The following AGMO variants were observed in gnomAD, a reference collection of about 807,000 sequenced individuals.
The protein encoded by AGMO is glyceryl-ether monooxygenase.
Under a neutral mutation model 60.2 loss-of-function variants are expected in AGMO, and 75 were observed. The ratio of observed to expected loss-of-function variants is 1.25; its 90% CI spans 1.03 to 1.51. The LOEUF is 1.51. Ranked by LOEUF, AGMO falls within the 40% of genes most tolerant of loss-of-function variation. The probability of loss-of-function intolerance (pLI) is 0.00; values close to 1 mark genes in which losing one functional copy is unlikely to be tolerated. For missense variants in AGMO, 763 were observed against 525.5 expected (o/e 1.45, Z -4.42); for synonymous variants, 261 against 177.1 (o/e 1.47, Z -3.76).
chr7:15,169,070 G>C, the AGMO span, among the ~76,000 whole-genome samples: 5 of 152,180 alleles, frequency 3.3e-5, no homozygotes, highest in African/African-American at 1.2e-4. Flanking sequence ...ATGAGCATTG[G>C]TTGATGGGGT....
At chr7:15,536,427 G>A (rs1784485370) in intron 3 of AGMO, among the ~76,000 whole-genome samples, 1 of 151,852 alleles carries the variant, frequency 6.6e-6, no homozygotes, top group African/African-American at 2.4e-5. Context: ...AATTTTAACA[G>A]AATCCCATTT....
intron 12 of AGMO, among the ~76,000 whole-genome samples, chr7:15,362,449 A>G (rs192923856): frequency 9.8e-4 from 150 of 152,338 alleles, no homozygotes; most frequent in African/African-American, 3.5e-3. Context: ...TAATAATAGT[A>G]ACACTCTAAT....
chr7:15,495,578 A>G lies in AGMO; in HGVS notation c.409+49194T>C, dbSNP rs540448741. Among the ~76,000 whole-genome samples, 29 of 152,316 alleles carry G rather than the reference A, an allele frequency of 1.9e-4. No individual in the cohort carries two copies. The South Asian group carries it at 2.9e-3, about 15-fold the overall frequency. ...AAATTCCTGTAACTCATAGCTTCCC[A>G]TGTCTCAGTTTTTCAGCACATTTAC... is the stretch of plus-strand genomic sequence containing the variant. On this transcript the variant is annotated intron_variant, in intron 3 of 12. Coordinates refer to ENST00000342526, the MANE Select transcript of AGMO (RefSeq NM_001004320.2).
the AGMO span, among the ~76,000 whole-genome samples, chr7:15,179,536 G>A: frequency 6.6e-6 from 1 of 152,094 alleles, no homozygotes; most frequent in East Asian, 1.9e-4. Context: ...ACTAGGGCAG[G>A]GGTAGAACTC....
chr7:15,225,325 A>G (rs1465327393), intron 12 of AGMO, among the ~76,000 whole-genome samples: 1 of 152,024 alleles, frequency 6.6e-6, no homozygotes, highest in African/African-American at 2.4e-5. Context: ...TAATCTCTGT[A>G]AAAATATCCT....
chr7:15,154,967 CT>C, the AGMO span, among the ~76,000 whole-genome samples: 1 of 152,180 alleles, frequency 6.6e-6, no homozygotes, highest in Non-Finnish European at 1.5e-5. Flanking sequence ...CAAAACTCCA[CT>C]GTTACCCTGA....
chr7:15,451,060 T>C (rs1220269236), intron 3 of AGMO, among the ~76,000 whole-genome samples: 1 of 97,566 alleles, frequency 1.0e-5, no homozygotes, highest in Non-Finnish European at 2.5e-5. Context: ...CATTTTATTA[T>C]ATGAAAATTA....
At chr7:15,402,509 A>T (rs1018914865) in intron 5 of AGMO, among the ~76,000 whole-genome samples, 1 of 150,874 alleles carries the variant, frequency 6.6e-6, no homozygotes, top group Non-Finnish European at 1.5e-5. Context: ...CTTCAATAAG[A>T]TATTCCCATA....
At chr7:15,198,392 G>C (rs138602436), downstream of AGMO, among the ~76,000 whole-genome samples, 1,921 of 152,176 alleles carry the variant, frequency 0.013, 35 homozygotes, top group African/African-American at 0.04. Flanking sequence ...AAGAAAACTG[G>C]ACTGGAAAAT....
intron 3 of AGMO, among the ~76,000 whole-genome samples, chr7:15,445,474 T>C (rs1221666004): frequency 6.6e-6 from 1 of 152,136 alleles, no homozygotes; most frequent in African/African-American, 2.4e-5. Context: ...CATCCCCCTA[T>C]ATGCTATTTA....
At chr7:15,420,511 T>C (rs1780896144) in intron 4 of AGMO, among the ~76,000 whole-genome samples, 1 of 152,066 alleles carries the variant, frequency 6.6e-6, no homozygotes, top group African/African-American at 2.4e-5. Flanking sequence ...ATCACATGAG[T>C]GATAATTTCT....
At chr7:15,410,649 AAAAAG>A (rs1333858010) in intron 5 of AGMO, among the ~76,000 whole-genome samples, 1 of 151,968 alleles carries the variant, frequency 6.6e-6, no homozygotes, top group African/African-American at 2.4e-5. Context: ...CTATATTTCA[AAAAAG>A]ATAAAGTAAC....
intron 12 of AGMO, among the ~76,000 whole-genome samples, chr7:15,331,411 A>G (rs1563091686): frequency 6.6e-6 from 1 of 152,174 alleles, no homozygotes; most frequent in Non-Finnish European, 1.5e-5. Context: ...AAAATGAAAA[A>G]ATATATATAA....
chr7:15,240,772 T>A (rs1284620139), intron 12 of AGMO, among the ~76,000 whole-genome samples: 4 of 152,186 alleles, frequency 2.6e-5, no homozygotes, highest in African/African-American at 9.7e-5. Flanking sequence ...CAACAATTCC[T>A]GAACACATGC....
intron 12 of AGMO, among the ~76,000 whole-genome samples, chr7:15,286,284 C>G (rs143426344): frequency 2.6e-5 from 4 of 151,980 alleles, no homozygotes; most frequent in Admixed American, 2.0e-4. Context: ...AGTAAACAGA[C>G]AACCACAGAA....
chr7:15,427,860 T>G (rs1190832647), intron 4 of AGMO, among the ~76,000 whole-genome samples: 1 of 152,132 alleles, frequency 6.6e-6, no homozygotes, highest in African/African-American at 2.4e-5. Flanking sequence ...GTGAGTAATA[T>G]TAAGCTTAAA....
Position 15,484,884 on chromosome 7 carries a change from T to C in AGMO, c.410-53776A>G, listed in dbSNP as rs200120054. On this transcript the variant is annotated intron_variant, in intron 3 of 12. Coordinates refer to ENST00000342526, the MANE Select transcript of AGMO (RefSeq NM_001004320.2). ...AGACAAACTTGTTTAAATAGTTTTATGATTTCTGCAAAGCTAGACTTAGAC... is the reference window on the plus strand; with the variant it reads ...AGACAAACTTGTTTAAATAGTTTTACGATTTCTGCAAAGCTAGACTTAGAC... 2.2e-4 allele frequency among the ~76,000 whole-genome samples: 34 copies of C among 152,280 alleles called. No individual in the cohort carries two copies. In the East Asian group the frequency reaches 5.6e-3, roughly 25 times the overall value.
At chr7:15,137,051 G>C in the AGMO span, among the ~76,000 whole-genome samples, 1 of 152,294 alleles carries the variant, frequency 6.6e-6, no homozygotes, top group East Asian at 1.9e-4. Flanking sequence ...TTGCATGTCT[G>C]AGAATGATTT....
chr7:15,126,542 A>AT, the AGMO span, among the ~76,000 whole-genome samples: 3 of 151,992 alleles, frequency 2.0e-5, no homozygotes, highest in East Asian at 3.9e-4. Flanking sequence ...CTAAGCTCTG[A>AT]TTTTTTTATA....
Sources: gnomAD v4.1 joint callset for allele counts (sites outside exome capture counted in the v4.1 genomes callset) on GRCh38, gnomAD v4.1.1 for gene constraint, MANE v1.5 for transcripts, NCBI Gene and HGNC (gene_info 2026-07-23, HGNC 2026-07-21) for gene names.